The following GPC5 variants were observed in gnomAD, a reference collection of about 807,000 sequenced individuals.
GPC5 encodes glypican 5, also known as glypican-5.
GPC5 carries 47 observed loss-of-function variants against 53.9 expected under a neutral mutation model. The ratio of observed to expected loss-of-function variants is 0.87; its 90% confidence interval spans 0.69 to 1.11. The LOEUF (loss-of-function observed/expected upper bound fraction) is 1.11. GPC5 is among the 50% of genes most tolerant of loss of function. The pLI is 0.00. For missense variants in GPC5, 748 were observed against 713.1 expected, an observed-to-expected ratio of 1.05 and a Z score of -0.56; for synonymous variants, 286 against 263.3, an observed-to-expected ratio of 1.09 and a Z score of -0.84.
At chr13:92,720,254 G>A (rs1225992705) in intron 7 of GPC5, among the ~76,000 whole-genome samples, 7 of 152,152 alleles carry the variant, frequency 4.6e-5, no homozygotes, top group Non-Finnish European at 7.4e-5. Context: ...CCATTGAAGG[G>A]CTGCCCTTTA....
intron 2 of GPC5, among the ~76,000 whole-genome samples, chr13:91,481,302 C>A (rs567097049): frequency 2.6e-5 from 4 of 152,084 alleles, no homozygotes; most frequent in Non-Finnish European, 5.9e-5. Context: ...AAACATGAAC[C>A]ATTGTGCAGG....
At chr13:91,489,384 C>T (rs763910786) in intron 2 of GPC5, among the ~76,000 whole-genome samples, 6 of 152,044 alleles carry the variant, frequency 3.9e-5, no homozygotes, top group South Asian at 2.1e-4. Context: ...TTTCTCAGAC[C>T]GGCTGCCACT....
chr13:92,571,627 T>G (rs958634124), intron 7 of GPC5, among the ~76,000 whole-genome samples: 1 of 152,092 alleles, frequency 6.6e-6, no homozygotes, highest in Admixed American at 6.6e-5. Flanking sequence ...ATCAGTGTGC[T>G]TCATGATCCT....
chr13:92,132,373 G>A (rs961949688), intron 6 of GPC5, among the ~76,000 whole-genome samples: 5 of 152,106 alleles, frequency 3.3e-5, no homozygotes, highest in East Asian at 1.9e-4. Flanking sequence ...CACAAACTGG[G>A]TTGCTTAAAA....
At chr13:91,920,312 A>G (rs1486450874) in intron 6 of GPC5, among the ~76,000 whole-genome samples, 19 of 152,192 alleles carry the variant, frequency 1.2e-4, no homozygotes, top group Admixed American at 1.2e-3. Context: ...AAAATTCAAT[A>G]GAAGCATTGG....
intron 7 of GPC5, among the ~76,000 whole-genome samples, chr13:92,265,902 A>C (rs1432968765): frequency 2.6e-5 from 4 of 152,200 alleles, no homozygotes. Context: ...GCACCTGGCA[A>C]GGGGCTTCTT....
At position 91,723,620 on chromosome 13, in the gene GPC5, A is replaced by G. The variant is rs949296412; in HGVS notation, c.1021-4912A>G. ...TTCTTCATTCTTACCTTATATAGGG[A>G]GTCAACCCCTAGTCAAATACCATTC... is the stretch of plus-strand genomic sequence containing the variant. On this transcript the variant is annotated intron_variant, in intron 3 of 7. Coordinates refer to ENST00000377067, the MANE Select transcript of GPC5 (RefSeq NM_004466.6). Among the ~76,000 whole-genome samples, 3 of 152,098 alleles carry G rather than the reference A, an allele frequency of 2.0e-5. No homozygotes were observed. In the East Asian group the frequency reaches 5.8e-4, roughly 29 times the overall value.
chr13:92,074,852 T>C (rs2041240177), intron 6 of GPC5, among the ~76,000 whole-genome samples: 1 of 152,216 alleles, frequency 6.6e-6, no homozygotes. Context: ...TTGCTTAAAC[T>C]CTGCCATCTG....
chr13:92,226,591 G>A (rs1377104356), intron 7 of GPC5, among the ~76,000 whole-genome samples: 1 of 151,810 alleles, frequency 6.6e-6, no homozygotes, highest in Non-Finnish European at 1.5e-5. Context: ...ACTCAGAGTA[G>A]TGACTGAGAA....
At chr13:92,172,655 C>A (rs943771948) in intron 7 of GPC5, among the ~76,000 whole-genome samples, 1 of 152,052 alleles carries the variant, frequency 6.6e-6, no homozygotes, top group African/African-American at 2.4e-5. Flanking sequence ...TATGTGTCAC[C>A]TTGAAAATAT....
chr13:92,304,696 G>A (rs1349917861), intron 7 of GPC5, among the ~76,000 whole-genome samples: 1 of 150,756 alleles, frequency 6.6e-6, no homozygotes. Flanking sequence ...ATTTCACCTT[G>A]TAATTTTTCA....
chr13:92,536,523 G>A (rs1384232025), intron 7 of GPC5, among the ~76,000 whole-genome samples: 1 of 152,110 alleles, frequency 6.6e-6, no homozygotes, highest in Non-Finnish European at 1.5e-5. Context: ...CTGAGAAAAT[G>A]TAAACCATTA....
At position 91,493,888 on chromosome 13, in the gene GPC5, T is replaced by A. The variant is rs113521832; in HGVS notation, c.325+44966T>A. ...TTATATGCTGCATTCTATTTTTTTT[T>A]ATTTAAGACAGAGTCTCACTCTGTC... On this transcript the variant is annotated intron_variant, in intron 2 of 7. Coordinates refer to ENST00000377067, the MANE Select transcript of GPC5 (RefSeq NM_004466.6). 8.1e-3 allele frequency among the ~76,000 whole-genome samples: 1,220 copies of A among 150,222 alleles called. 18 individuals are homozygous for A. The highest frequency in any genetic ancestry group is 0.025 in the African/African-American group (1,020 of 40,742).
intron 6 of GPC5, among the ~76,000 whole-genome samples, chr13:92,002,552 T>C (rs911861211): frequency 1.3e-5 from 2 of 152,124 alleles, no homozygotes; most frequent in African/African-American, 4.8e-5. Flanking sequence ...AAAACCATTC[T>C]TTATAGTAAC....
intron 7 of GPC5, among the ~76,000 whole-genome samples, chr13:92,754,024 T>TTGTC: frequency 6.6e-6 from 1 of 152,192 alleles, no homozygotes; most frequent in South Asian, 2.1e-4. Flanking sequence ...AGACACATAA[T>TTGTC]TGTCAGATTC....
rs112557098 is a variant in GPC5, at chr13:92,018,782, A to T, written c.1401+110725A>T. 9.2e-3 allele frequency among the ~76,000 whole-genome samples: 1,401 copies of T among 152,168 alleles called. 22 individuals carry two copies. Among genetic ancestry groups the T allele is most frequent in the African/African-American group, 0.032 (1,345 of 41,532 alleles). On this transcript the variant is annotated intron_variant, in intron 6 of 7. Transcript: ENST00000377067. Reference sequence around the variant, plus strand: ...CATAAATAATCACTAAGAATTCAGGATATTTTTCAATAGTATATGCCAATA... The same window carrying T: ...CATAAATAATCACTAAGAATTCAGGTTATTTTTCAATAGTATATGCCAATA...
intron 7 of GPC5, among the ~76,000 whole-genome samples, chr13:92,146,194 C>A (rs1299267837): frequency 1.3e-5 from 2 of 152,090 alleles, no homozygotes. Context: ...ATATTCTATT[C>A]TTACAGAATG....
intron 7 of GPC5, among the ~76,000 whole-genome samples, chr13:92,806,057 A>T (rs1877088954): frequency 6.6e-6 from 1 of 152,060 alleles, no homozygotes; most frequent in Non-Finnish European, 1.5e-5. Context: ...TTCTTCCAGT[A>T]GAAGGCTGTT....
intron 1 of GPC5, among the ~76,000 whole-genome samples, chr13:91,433,512 C>A (rs1440843410): frequency 6.6e-6 from 1 of 152,182 alleles, no homozygotes; most frequent in East Asian, 1.9e-4. Flanking sequence ...CATCCATGTC[C>A]CTGCAAAGGA....
Sources: allele counts gnomAD v4.1 joint callset (sites outside exome capture counted in the v4.1 genomes callset), GRCh38; gene constraint gnomAD v4.1.1; transcripts MANE v1.5; gene names NCBI Gene and HGNC (gene_info 2026-07-23, HGNC 2026-07-21).